ACAP1: variants seen among roughly 807,000 people sequenced by gnomAD.
ACAP1 encodes arf-GAP with coiled-coil, ANK repeat and PH domain-containing protein 1.
In ACAP1, 45 loss-of-function variants were observed where a neutral mutation model predicts 98.8. The observed-to-expected ratio is 0.46, with a 90% CI of 0.36 to 0.58. The LOEUF is 0.58. Ranked by LOEUF, ACAP1 falls within the 20% of genes least tolerant of loss-of-function variation. The pLI, the probability that ACAP1 is intolerant of heterozygous loss-of-function variation, is 0.00. For missense variants in ACAP1, 735 were observed against 971.4 expected, an observed-to-expected ratio of 0.76 and a Z score of 3.24; for synonymous variants, 362 against 375.3, an observed-to-expected ratio of 0.96 and a Z score of 0.41.
intron 5 of ACAP1, chr17:7,342,805 G>A (rs2073301699): frequency 2.6e-6 from 1 of 378,646 alleles, no homozygotes; most frequent in South Asian, 2.4e-5. Context: ...CTACTCAGGA[G>A]GCCGAGGCAG....
chr17:7,350,375 CG>C lies in ACAP1; in HGVS notation c.2072+142del. 1 of 550,978 alleles carries C rather than the reference CG, an allele frequency of 1.8e-6. No homozygotes were observed. The highest frequency in any genetic ancestry group is 3.0e-6 in the Non-Finnish European group (1 of 334,132). 34.1% of individuals were successfully genotyped at this position (550,978 alleles called of 1,614,324 possible). On this transcript the variant is annotated intron_variant, in intron 20 of 21. Coordinates refer to ENST00000158762, the MANE Select transcript of ACAP1 (RefSeq NM_014716.4). The surrounding 1 kb of genome is among the most constrained non-coding windows in gnomAD (Gnocchi z 4.6). The stretch of plus-strand genomic sequence containing the variant: ...CCTCGGAAAGGGGCTGGGCCAGCGC[CG>C]GGGCCAGGCTCGAGAAAGGCTGCGC...
In ACAP1 at chr17:7,347,944, A is replaced by G; in HGVS notation, c.1366A>G (p.Lys456Glu). Reference protein sequence around the residue: ...IHRSLGVHFSKVRSLTLDSWE... With the variant: ...IHRSLGVHFSEVRSLTLDSWE... Reference sequence around the variant, plus strand: ...CAGGAGCCTTGGTGTTCACTTCTCCAAAGTCCGGTCTCTGACCCTTGACTC... The same window carrying G: ...CAGGAGCCTTGGTGTTCACTTCTCCGAAGTCCGGTCTCTGACCCTTGACTC... The change falls in exon 15 of 22, where the codon AAA becomes GAA. Residue 456 changes from lysine to glutamate, a missense_variant. Lys to Glu is a moderately conservative substitution (Grantham distance 56). This residue lies in a region of ACAP1 where 81 missense variants were observed against 132.0 expected (regional missense o/e 0.61). Coordinates refer to ENST00000158762, the MANE Select transcript of ACAP1 (RefSeq NM_014716.4). 2 of 1,614,164 alleles carry G rather than the reference A, an allele frequency of 1.2e-6. No individual in the cohort carries two copies. Among genetic ancestry groups the G allele is most frequent in the Non-Finnish European group, 1.7e-6 (2 of 1,180,010 alleles).
Position 7,344,700 on chromosome 17 carries a change from G to T in ACAP1, c.854+52G>T. Reference sequence around the variant, plus strand: ...CCGCCCCACCCAATGATGTATTTTCGAGTGGTAATAGCACACTAAGCACTG... The same window carrying T: ...CCGCCCCACCCAATGATGTATTTTCTAGTGGTAATAGCACACTAAGCACTG... On this transcript the variant is annotated intron_variant, in intron 10 of 21. Coordinates refer to ENST00000158762, the MANE Select transcript of ACAP1 (RefSeq NM_014716.4). The surrounding 1 kb of genome is among the most constrained non-coding windows in gnomAD (Gnocchi z 4.9). The T allele has an allele frequency of 7.3e-7, 1 of 1,362,688 alleles. No homozygotes were observed. Among genetic ancestry groups the T allele is most frequent in the South Asian group, 1.2e-5 (1 of 80,096 alleles). The allele number at this position is 1,362,688 out of a possible 1,614,324, so 84.4% of individuals were successfully genotyped here.
chr17:7,345,437 C>T (rs1227237228), intron 10 of ACAP1: 4 of 152,050 alleles, frequency 2.6e-5, no homozygotes, highest in Non-Finnish European at 5.9e-5. Context: ...GATCCTCCCT[C>T]CTCAGCATCC....
chr17:7,349,046 G>A lies in ACAP1; in HGVS notation c.1730G>A (p.Arg577Gln), dbSNP rs192044976. 107 of 1,613,818 alleles carry A rather than the reference G, an allele frequency of 6.6e-5. No individual in the cohort carries two copies. In the African/African-American group the frequency reaches 1.3e-3, roughly 19 times the overall value. ...GSLHPGALLF[R>Q]ASGHPPSLPT... ...CTGCACCCTGGGGCCCTACTGTTTC[G>A]AGCGTCTGGGCATCCTCCATCTCTT... The change falls in exon 18 of 22, where the codon CGA becomes CAA. Residue 577 changes from arginine (R) to glutamine (Q), a missense_variant. By Grantham distance (43) the Arg-to-Gln change is conservative (BLOSUM62 1). Transcript: ENST00000158762.
At position 7,348,296 on chromosome 17, in the gene ACAP1, C is replaced by A; in HGVS notation, c.1509-10C>A. ...AAGAGGGAAGACTGCGTGCTTCTCC[C>A]CTCCCACAGGCAGGAGAAGGAGGCC... On this transcript the variant is annotated splice_polypyrimidine_tract_variant and intron_variant, in intron 16 of 21. Coordinates refer to ENST00000158762, the MANE Select transcript of ACAP1 (RefSeq NM_014716.4). The A allele has an allele frequency of 6.3e-7, 1 of 1,591,692 alleles. No individual in the cohort carries two copies. The highest frequency in any genetic ancestry group is 1.8e-5 in the Admixed American group (1 of 56,796).
Position 7,347,962 on chromosome 17 carries a change from C to T in ACAP1, c.1384C>T (p.Leu462Phe), listed in dbSNP as rs1297193144. 1.2e-6 allele frequency: 2 copies of T among 1,614,208 alleles called. No individual in the cohort carries two copies. The highest frequency in any genetic ancestry group is 3.3e-5 in the Admixed American group (2 of 60,024). ...VHFSKVRSLT[L>F]DSWEPELVKL... The stretch of plus-strand genomic sequence containing the variant: ...CTTCTCCAAAGTCCGGTCTCTGACC[C>T]TTGACTCATGGGAGCCAGAACTAGT... Residue 462 changes from leucine (L) to phenylalanine (F), a missense_variant, in exon 15 of 22, where the codon CTT (leucine) becomes TTT (phenylalanine). Leu to Phe is a conservative substitution (Grantham distance 22, BLOSUM62 0). This residue lies in a region of ACAP1 where 81 missense variants were observed against 132.0 expected (regional missense o/e 0.61). Coordinates refer to ENST00000158762, the MANE Select transcript of ACAP1 (RefSeq NM_014716.4).
chr17:7,341,345 A>C (rs968680726), intron 2 of ACAP1, among the ~76,000 whole-genome samples: 4 of 152,134 alleles, frequency 2.6e-5, no homozygotes, highest in Admixed American at 6.6e-5. Context: ...GGGTTCAAGC[A>C]GTCCTCCTGC....
At chr17:7,348,510 C>T in intron 17 of ACAP1, 35 bp downstream of exon 17, 1 of 1,449,580 alleles carries the variant, frequency 6.9e-7, no homozygotes, top group Non-Finnish European at 9.1e-7. Flanking sequence ...TGAGCATCTG[C>T]TGTGTGCTCG....
chr17:7,348,277 G>A (rs1376278573), intron 16 of ACAP1, 29 bp from the exon 17 acceptor site: 3 of 1,605,628 alleles, frequency 1.9e-6, no homozygotes, highest in Non-Finnish European at 2.6e-6. Context: ...GCAGAAGAGG[G>A]AAGACTGCGT....
Position 7,346,456 on chromosome 17 carries a change from A to G in ACAP1, c.972A>G (p.Glu324=). The change falls in exon 12 of 22, where the codon GAA becomes GAG. Residue 324 remains glutamate, a synonymous_variant. Transcript: ENST00000158762. ...LCTVKLCPDS[E]RRFCFEVVST... ...CAGTGAAACTCTGCCCTGACTCAGA[A>G]AGGCGGTTCTGCTTTGAGGTGGTGT... is the stretch of plus-strand genomic sequence containing the variant. 1 of 1,613,140 alleles carries G rather than the reference A, an allele frequency of 6.2e-7. No homozygotes were observed. Among genetic ancestry groups the G allele is most frequent in the Non-Finnish European group, 8.5e-7 (1 of 1,179,518 alleles).
chr17:7,336,844 A>G (rs749592415), intron 1 of ACAP1, 57 bp downstream of exon 1: 197 of 1,574,932 alleles, frequency 1.3e-4, no homozygotes, highest in Non-Finnish European at 1.7e-4. Flanking sequence ...CCCCCAGCAC[A>G]CACACACCTT....
Position 7,342,030 on chromosome 17 carries a change from A to G in ACAP1, c.194A>G (p.Asp65Gly), listed in dbSNP as rs777755072. 6 of 1,613,728 alleles carry G rather than the reference A, an allele frequency of 3.7e-6. No homozygotes were observed. In the South Asian group the frequency reaches 6.6e-5, roughly 18 times the overall value. The change falls in exon 3 of 22, where the codon GAC becomes GGC. Residue 65 changes from aspartate (D) to glycine (G), a missense_variant. By Grantham distance (94) the Asp-to-Gly change is moderately conservative. Transcript: ENST00000158762. ...ASRAFVVGIC[D>G]LARLGPPEPM... ...CGCGCCTTCGTTGTCGGCATTTGTGACCTGGCCCGCCTGGGTCCACCAGAG... is the reference window on the plus strand; with the variant it reads ...CGCGCCTTCGTTGTCGGCATTTGTGGCCTGGCCCGCCTGGGTCCACCAGAG...
Position 7,343,634 on chromosome 17 carries a change from T to C in ACAP1, c.528+72T>C. 6.3e-7 allele frequency: 1 copy of C among 1,596,018 alleles called. No individual in the cohort carries two copies. The highest frequency in any genetic ancestry group is 8.6e-7 in the Non-Finnish European group (1 of 1,168,704). On this transcript the variant is annotated intron_variant, in intron 6 of 21. Coordinates refer to ENST00000158762, the MANE Select transcript of ACAP1 (RefSeq NM_014716.4). This position sits in a 1 kb window ranked among gnomAD's most constrained non-coding sequence, Gnocchi z 4.9. Reference sequence around the variant, plus strand: ...CACCTCGAGGCTTGGGGGTCTCCAGTGTGCAGTGGGAAGGGGTGCTGTGTC... The same window carrying C: ...CACCTCGAGGCTTGGGGGTCTCCAGCGTGCAGTGGGAAGGGGTGCTGTGTC...
At chr17:7,341,649 A>G (rs1057060095) in intron 2 of ACAP1, among the ~76,000 whole-genome samples, 1 of 152,208 alleles carries the variant, frequency 6.6e-6, no homozygotes, top group Non-Finnish European at 1.5e-5. Context: ...GATATGTGCG[A>G]GTGGACAGGG....
chr17:7,343,945 C>A lies in ACAP1; in HGVS notation c.658C>A (p.Leu220Met). The A allele has an allele frequency of 6.3e-7, 1 of 1,593,232 alleles. No homozygotes were observed. The highest frequency in any genetic ancestry group is 8.6e-7 in the Non-Finnish European group (1 of 1,169,406). Residue 220 changes from leucine (L) to methionine (M), a missense_variant, in exon 8 of 22, where the codon CTG becomes ATG. Around this residue, in one of 5 missense-constraint regions of ACAP1, gnomAD observed 430 missense variants for 531.8 expected, o/e 0.81. Coordinates refer to ENST00000158762, the MANE Select transcript of ACAP1 (RefSeq NM_014716.4). The surrounding 1 kb of genome is among the most constrained non-coding windows in gnomAD (Gnocchi z 4.9). Reference sequence around the variant, plus strand: ...CCGGCTGTCCCAGTATCGAAAGGAGCTGGGCGCCCAGGTGGGGCCCCAGGG... The same window carrying A: ...CCGGCTGTCCCAGTATCGAAAGGAGATGGGCGCCCAGGTGGGGCCCCAGGG... ...LSRLSQYRKELGAQLHQLVLN... is the reference protein window; with the variant it reads ...LSRLSQYRKEMGAQLHQLVLN...
Position 7,348,427 on chromosome 17 carries a change from C to A in ACAP1, c.1630C>A (p.Pro544Thr). The change falls in exon 17 of 22, where the codon CCA (proline) becomes ACA (threonine). Residue 544 changes from proline (P) to threonine (T), a missense_variant. By Grantham distance (38) the Pro-to-Thr change is conservative. Around this residue, in one of 5 missense-constraint regions of ACAP1, gnomAD observed 80 missense variants for 64.4 expected, o/e 1.24. Transcript: ENST00000158762. ...GRPRGQPPVP[P>T]KPSIRPRPGS... Reference sequence around the variant, plus strand: ...CCCAAGGGGGCAGCCTCCTGTGCCCCCAAAGCCTTCCATCAGGCCCCGGCC... The same window carrying A: ...CCCAAGGGGGCAGCCTCCTGTGCCCACAAAGCCTTCCATCAGGCCCCGGCC... The A allele has an allele frequency of 1.3e-6, 2 of 1,508,358 alleles. No homozygotes were observed. The highest frequency in any genetic ancestry group is 1.4e-5 in the African/African-American group (1 of 71,694). 93.4% of individuals were successfully genotyped at this position (1,508,358 alleles called of 1,614,324 possible).
intron 15 of ACAP1, 22 bp from the exon 16 acceptor site, chr17:7,348,099 TCTCTGC>T: frequency 6.2e-7 from 1 of 1,613,408 alleles, no homozygotes; most frequent in Non-Finnish European, 8.5e-7. Flanking sequence ...ACCTTCCCTG[TCTCTGC>T]CTCTGCCTGG....
At chr17:7,337,535 A>G (rs1478785174) in intron 2 of ACAP1, among the ~76,000 whole-genome samples, 166 bp downstream of exon 2, 1 of 152,196 alleles carries the variant, frequency 6.6e-6, no homozygotes, top group African/African-American at 2.4e-5. Context: ...TGTACCGACA[A>G]GAAGCTCAGG....
Sources: allele counts gnomAD v4.1 joint callset (sites outside exome capture counted in the v4.1 genomes callset), GRCh38; gene constraint gnomAD v4.1.1; regional missense constraint gnomAD v4.1.1; non-coding constraint Gnocchi (gnomAD v3.1); transcripts MANE v1.5; gene names NCBI Gene and HGNC (gene_info 2026-07-23, HGNC 2026-07-21).